Variants in KLHL13 observed in about 807,000 individuals in gnomAD.
KLHL13 encodes kelch like family member 13.
A neutral mutation model predicts 37.1 loss-of-function variants in KLHL13; 10 were observed. That is an observed-to-expected ratio of 0.27 (90% confidence interval 0.17 to 0.46). KLHL13 has a LOEUF of 0.46. Among genes scored for constraint, KLHL13 ranks in the 20% least tolerant of loss-of-function variants. The pLI is 1.00. For missense variants in KLHL13, 360 were observed against 509.3 expected, an observed-to-expected ratio of 0.71 and a Z score of 2.82; for synonymous variants, 163 against 181.2, an observed-to-expected ratio of 0.90 and a Z score of 0.81.
intron 1 of KLHL13, among the ~76,000 whole-genome samples, chrX:117,955,529 A>C (rs896983506): frequency 9.0e-6 from 1 of 111,610 alleles, no homozygotes; most frequent in East Asian, 2.8e-4. Flanking sequence ...TGAATGTAGG[A>C]AAAAATTAGT....
At chrX:117,987,868 G>GA (rs1296989764) in intron 1 of KLHL13, among the ~76,000 whole-genome samples, 1 of 111,360 alleles carries the variant, frequency 9.0e-6, no homozygotes, top group African/African-American at 3.3e-5. Context: ...AACTTATAAG[G>GA]AAAAAAAGCA....
intron 1 of KLHL13, among the ~76,000 whole-genome samples, chrX:118,044,629 A>G (rs1011063214): frequency 6.3e-5 from 7 of 111,892 alleles, no homozygotes; most frequent in Non-Finnish European, 1.1e-4. Context: ...AAGAATATGC[A>G]TTAGGGAAAG....
chrX:118,065,165 A>G (rs892531799), intron 1 of KLHL13, among the ~76,000 whole-genome samples: 3 of 111,932 alleles, frequency 2.7e-5, no homozygotes, highest in African/African-American at 9.7e-5. Flanking sequence ...TTTTAACATG[A>G]AAGTAATAAA....
At chrX:118,003,931 G>A (rs2053952855) in intron 1 of KLHL13, among the ~76,000 whole-genome samples, 1 of 110,647 alleles carries the variant, frequency 9.0e-6, no homozygotes, top group Admixed American at 9.7e-5. Context: ...AGGTGTCATT[G>A]CAGGAAGACT....
intron 1 of KLHL13, among the ~76,000 whole-genome samples, chrX:118,101,937 T>C (rs1206379469): frequency 8.9e-6 from 1 of 112,102 alleles, no homozygotes; most frequent in Non-Finnish European, 1.9e-5. Context: ...TAAAACTCTT[T>C]CCTTTATAAA....
intron 1 of KLHL13, among the ~76,000 whole-genome samples, chrX:118,036,547 A>G (rs1412455761): frequency 8.9e-6 from 1 of 112,045 alleles, no homozygotes; most frequent in Non-Finnish European, 1.9e-5. Context: ...CATATGTAGA[A>G]AGCTGAAACT....
intron 1 of KLHL13, among the ~76,000 whole-genome samples, chrX:118,041,796 G>A (rs757053978): frequency 9.0e-6 from 1 of 111,344 alleles, no homozygotes; most frequent in South Asian, 3.8e-4. Context: ...GAAGACAGGA[G>A]GGAAGGAAAG....
At chrX:118,070,122 G>C (rs1380793983) in intron 1 of KLHL13, among the ~76,000 whole-genome samples, 1 of 112,138 alleles carries the variant, frequency 8.9e-6, no homozygotes, top group Non-Finnish European at 1.9e-5. Flanking sequence ...GTGTGTAGTA[G>C]GCTATACCAC....
At chrX:117,988,968 A>C (rs2053757494) in intron 1 of KLHL13, among the ~76,000 whole-genome samples, 1 of 112,101 alleles carries the variant, frequency 8.9e-6, no homozygotes, top group Admixed American at 9.4e-5. Context: ...GAAAGGGCCA[A>C]GATATACATG....
intron 1 of KLHL13, among the ~76,000 whole-genome samples, chrX:118,024,586 C>T (rs377503929): frequency 1.5e-4 from 17 of 111,417 alleles, no homozygotes; most frequent in African/African-American, 5.2e-4. Context: ...AACACTTGAA[C>T]ATATGCTTCT....
chrX:117,970,404 TGAG>T (rs1209168217), intron 1 of KLHL13, among the ~76,000 whole-genome samples: 1 of 111,720 alleles, frequency 9.0e-6, no homozygotes, highest in Non-Finnish European at 1.9e-5. Context: ...CACGATTTAT[TGAG>T]GAGTCAGAAT....
intron 1 of KLHL13, among the ~76,000 whole-genome samples, chrX:118,037,305 T>A (rs1423154604): frequency 6.2e-5 from 5 of 80,887 alleles, no homozygotes; most frequent in Non-Finnish European, 1.2e-4. Flanking sequence ...GTATGTTTAT[T>A]GCGGCACTAT....
intron 1 of KLHL13, among the ~76,000 whole-genome samples, chrX:117,959,929 G>A (rs1420471814): frequency 1.8e-5 from 2 of 111,697 alleles, no homozygotes; most frequent in East Asian, 5.6e-4. Flanking sequence ...GTGCAGTTAG[G>A]TACAGAGGGA....
At chrX:118,009,184 C>G (rs1223157206) in intron 1 of KLHL13, among the ~76,000 whole-genome samples, 1 of 99,710 alleles carries the variant, frequency 1.0e-5, no homozygotes, top group Non-Finnish European at 2.0e-5. Flanking sequence ...TGAAAATTTT[C>G]TCCCATTTTG....
In KLHL13 at chrX:117,909,928, T is replaced by C. The variant is rs1930858947; in HGVS notation, c.739A>G (p.Asn247Asp). The C allele has an allele frequency of 5.0e-6, 6 of 1,210,143 alleles. No individual in the cohort carries two copies. The highest frequency in any genetic ancestry group is 4.4e-5 in the Admixed American group (2 of 45,790). ...AGTTCAGTACAGTGCTTAAGGCTAT[T>C]ACTGGAAAGCACGAAGGCAAGACGC... Residue 247 changes from asparagine (N) to aspartate (D), a missense_variant, in exon 5 of 7, where the codon AAT (asparagine) becomes GAT (aspartate). By Grantham distance (23) the Asn-to-Asp change is conservative. This residue lies in a region of KLHL13 where 194 missense variants were observed against 225.0 expected (regional missense o/e 0.86). Coordinates refer to ENST00000262820, the Ensembl canonical transcript of KLHL13.
chrX:117,981,559 C>G (rs2053662161), intron 1 of KLHL13, among the ~76,000 whole-genome samples: 1 of 109,781 alleles, frequency 9.1e-6, no homozygotes, highest in African/African-American at 3.4e-5. Flanking sequence ...CTACATTTTC[C>G]CTTTAGCTAG....
At chrX:118,033,001 A>C (rs780076723) in intron 1 of KLHL13, among the ~76,000 whole-genome samples, 2 of 111,326 alleles carry the variant, frequency 1.8e-5, no homozygotes, top group African/African-American at 6.5e-5. Context: ...GCGACGGAAG[A>C]TGAAATGAAT....
At chrX:118,041,815 G>T (rs1253344059) in intron 1 of KLHL13, among the ~76,000 whole-genome samples, 1 of 111,508 alleles carries the variant, frequency 9.0e-6, no homozygotes, top group Admixed American at 9.6e-5. Context: ...AGGAGGAAGA[G>T]AAGACCATAA....
chrX:118,032,381 C>T (rs964987117), intron 1 of KLHL13, among the ~76,000 whole-genome samples: 5 of 111,898 alleles, frequency 4.5e-5, no homozygotes, highest in African/African-American at 6.5e-5. Flanking sequence ...TCCCAGCACG[C>T]AGCTGGAGAT....
Sources: gnomAD v4.1 joint callset for allele counts (sites outside exome capture counted in the v4.1 genomes callset) on GRCh38, gnomAD v4.1.1 for gene constraint, gnomAD v4.1.1 regional missense constraint, MANE v1.5 for transcripts, NCBI Gene and HGNC (gene_info 2026-07-23, HGNC 2026-07-21) for gene names.